EDNRA: variants seen among roughly 807,000 people sequenced by gnomAD.
EDNRA encodes endothelin receptor type A, also known as endothelin-1 receptor.
Under a neutral mutation model 41.4 loss-of-function variants are expected in EDNRA, and 11 were observed. The observed-to-expected ratio is 0.27, with a 90% CI of 0.17 to 0.44. EDNRA has a LOEUF of 0.44. Ranked by LOEUF, EDNRA falls within the 20% of genes least tolerant of loss-of-function variation. The probability of loss-of-function intolerance (pLI) is 1.00; values close to 1 mark genes in which losing one functional copy is unlikely to be tolerated. For missense variants in EDNRA, 294 were observed against 531.0 expected, an observed-to-expected ratio of 0.55 and a Z score of 4.39; for synonymous variants, 172 against 183.0, an observed-to-expected ratio of 0.94 and a Z score of 0.49.
rs1181689719 is a variant in EDNRA, at chr4:147,519,821, A to G, written c.421-30A>G. The G allele has an allele frequency of 6.2e-7, 1 of 1,610,302 alleles. No individual in the cohort carries two copies. Among genetic ancestry groups the G allele is most frequent in the Non-Finnish European group, 8.5e-7 (1 of 1,177,994 alleles). Reference sequence around the variant, plus strand: ...CCACATGCTCCGTGCCAGCTCTACCATTTCTTACCACTGTGTCTCCTTCTT... The same window carrying G: ...CCACATGCTCCGTGCCAGCTCTACCGTTTCTTACCACTGTGTCTCCTTCTT... On this transcript the variant is annotated intron_variant, in intron 2 of 7. Coordinates refer to ENST00000651419, the MANE Select transcript of EDNRA (RefSeq NM_001957.4). The surrounding 1 kb of genome is among the most constrained non-coding windows in gnomAD (Gnocchi z 4.1).
intron 4 of EDNRA, among the ~76,000 whole-genome samples, chr4:147,534,998 AGC>A (rs1349072034): frequency 6.6e-6 from 1 of 152,186 alleles, no homozygotes. Context: ...TTTTTTACAG[AGC>A]AACATGATTA....
At chr4:147,494,558 GGAGA>G (rs944087100) in intron 2 of EDNRA, 2 of 152,622 alleles carry the variant, frequency 1.3e-5, no homozygotes, top group African/African-American at 2.4e-5. Context: ...TGGTTGAGTG[GGAGA>G]GAGAGAGTCG....
intron 2 of EDNRA, among the ~76,000 whole-genome samples, chr4:147,514,187 T>C (rs1198775158): frequency 3.3e-5 from 5 of 152,154 alleles, no homozygotes; most frequent in Admixed American, 6.5e-5. Flanking sequence ...ATTTAACAAA[T>C]ACAGAAACAC....
chr4:147,538,094 T>G (rs1730975754), intron 5 of EDNRA, among the ~76,000 whole-genome samples: 2 of 152,126 alleles, frequency 1.3e-5, no homozygotes, highest in Admixed American at 6.6e-5. Context: ...AAGAAGGAGT[T>G]TATCTTTCTC....
intron 7 of EDNRA, among the ~76,000 whole-genome samples, chr4:147,542,192 C>T (rs1191071691): frequency 1.3e-5 from 2 of 152,174 alleles, no homozygotes; most frequent in Non-Finnish European, 2.9e-5. Flanking sequence ...CCGTGCCTGC[C>T]CCAAGCTGTG....
intron 2 of EDNRA, chr4:147,495,108 A>T (rs1489815318): frequency 6.6e-6 from 1 of 152,204 alleles, no homozygotes; most frequent in East Asian, 1.9e-4. Context: ...CAACAAATCT[A>T]TGACATGCTA....
chr4:147,505,390 A>G (rs1171837544), intron 2 of EDNRA, among the ~76,000 whole-genome samples: 2 of 118,708 alleles, frequency 1.7e-5, no homozygotes, highest in Non-Finnish European at 3.2e-5. Flanking sequence ...CCCAGGCTGG[A>G]GTGCAATGGC....
chr4:147,530,994 G>A (rs1457548775), intron 3 of EDNRA, among the ~76,000 whole-genome samples: 2 of 152,152 alleles, frequency 1.3e-5, no homozygotes, highest in Non-Finnish European at 2.9e-5. Flanking sequence ...ACCATACCAC[G>A]TCACAGGTCT....
chr4:147,488,120 T>C (rs702757), intron 2 of EDNRA: 4 of 151,970 alleles, frequency 2.6e-5, no homozygotes, highest in Non-Finnish European at 5.9e-5. Flanking sequence ...AAAATAATTA[T>C]CCATCTCTGC....
intron 2 of EDNRA, among the ~76,000 whole-genome samples, chr4:147,514,460 TTTTC>T (rs576810260): frequency 3.0e-4 from 45 of 151,876 alleles, no homozygotes; most frequent in Non-Finnish European, 6.0e-4. Context: ...CAACACGATT[TTTTC>T]TTTTTCTTTT....
At chr4:147,485,529 A>T in intron 1 of EDNRA, 83 bp from the exon 2 acceptor site, 1 of 832,876 alleles carries the variant, frequency 1.2e-6, no homozygotes, top group Non-Finnish European at 1.8e-6. Context: ...CCTGCATTTT[A>T]ATTGAATCAA....
At chr4:147,500,087 G>C (rs562636891) in intron 2 of EDNRA, among the ~76,000 whole-genome samples, 5 of 152,148 alleles carry the variant, frequency 3.3e-5, no homozygotes, top group African/African-American at 1.2e-4. Context: ...TTACGAGTGT[G>C]AGCCACCACA....
At chr4:147,516,379 A>G (rs559569706) in intron 2 of EDNRA, among the ~76,000 whole-genome samples, 1 of 152,362 alleles carries the variant, frequency 6.6e-6, no homozygotes, top group Admixed American at 6.5e-5. Context: ...TTCAACATAA[A>G]GAGTGGGAGC....
chr4:147,521,352 T>G (rs1303274261), intron 3 of EDNRA, among the ~76,000 whole-genome samples: 5 of 152,220 alleles, frequency 3.3e-5, no homozygotes, highest in Non-Finnish European at 7.3e-5. Context: ...AACCTTATCA[T>G]CTATTAATAA....
At chr4:147,504,465 C>A (rs1164399646) in intron 2 of EDNRA, among the ~76,000 whole-genome samples, 1 of 152,084 alleles carries the variant, frequency 6.6e-6, no homozygotes, top group Non-Finnish European at 1.5e-5. Flanking sequence ...GTTAATATCA[C>A]CACCAATCCT....
chr4:147,496,598 C>T (rs1366107310), intron 2 of EDNRA, among the ~76,000 whole-genome samples: 1 of 152,184 alleles, frequency 6.6e-6, no homozygotes, highest in Admixed American at 6.5e-5. Context: ...CTATCCTAAC[C>T]CCTAAGCCAC....
At chr4:147,492,858 C>G (rs141354554) in intron 2 of EDNRA, 1 of 152,068 alleles carries the variant, frequency 6.6e-6, no homozygotes, top group Non-Finnish European at 1.5e-5. Flanking sequence ...GCTTCAGAAC[C>G]CTGTCCAGCT....
intron 3 of EDNRA, among the ~76,000 whole-genome samples, chr4:147,530,912 A>C (rs542280883): frequency 4.8e-4 from 73 of 152,340 alleles, no homozygotes; most frequent in African/African-American, 1.7e-3. Context: ...TATCTAATGA[A>C]AACTATAAAA....
Position 147,542,574 on chromosome 4 carries a change from A to G in EDNRA, c.1240A>G (p.Asn414Asp). The stretch of plus-strand genomic sequence containing the variant: ...CCAGTGGAAGAACCACGATCAAAAC[A>G]ACCACAACACAGACCGGAGCAGCCA... ...SIQWKNHDQN[N>D]HNTDRSSHKD... The change falls in exon 8 of 8, where the codon AAC becomes GAC. Residue 414 changes from asparagine to aspartate, a missense_variant. By Grantham distance (23) the Asn-to-Asp change is conservative. This residue lies in a region of EDNRA where 185 missense variants were observed against 390.8 expected (regional missense o/e 0.47). Coordinates refer to ENST00000651419, the MANE Select transcript of EDNRA (RefSeq NM_001957.4). 6.2e-7 allele frequency: 1 copy of G among 1,614,132 alleles called. No individual in the cohort carries two copies. The highest frequency in any genetic ancestry group is 8.5e-7 in the Non-Finnish European group (1 of 1,180,010).
Sources: gnomAD v4.1 joint callset for allele counts (sites outside exome capture counted in the v4.1 genomes callset) on GRCh38, gnomAD v4.1.1 for gene constraint, gnomAD v4.1.1 regional missense constraint, Gnocchi (gnomAD v3.1) non-coding constraint, MANE v1.5 for transcripts, NCBI Gene and HGNC (gene_info 2026-07-23, HGNC 2026-07-21) for gene names.